PTPRG: variants seen among roughly 807,000 people sequenced by gnomAD.
The protein encoded by PTPRG is receptor-type tyrosine-protein phosphatase gamma.
PTPRG carries 102 observed loss-of-function variants against 165.3 expected under a neutral mutation model. The ratio of observed to expected loss-of-function variants is 0.62; its 90% CI spans 0.53 to 0.73. The LOEUF (loss-of-function observed/expected upper bound fraction) is 0.73, where lower values mean the gene tolerates loss of function less well. Ranked by LOEUF, PTPRG falls within the 30% of genes least tolerant of loss-of-function variation. PTPRG has a pLI of 0.00. For synonymous variants in PTPRG, 675 were observed against 669.5 expected, an observed-to-expected ratio of 1.01 and a Z score of -0.13; for missense variants, 1,866 against 1,861.4, an observed-to-expected ratio of 1.00 and a Z score of -0.05.
chr3:61,783,633 G>A (rs748153122), intron 2 of PTPRG, among the ~76,000 whole-genome samples: 1 of 152,120 alleles, frequency 6.6e-6, no homozygotes, highest in Non-Finnish European at 1.5e-5. Flanking sequence ...TGAGATTGAC[G>A]TTGAGTTGGG....
intron 2 of PTPRG, among the ~76,000 whole-genome samples, chr3:61,868,880 A>G (rs2037482657): frequency 6.7e-6 from 1 of 149,526 alleles, no homozygotes; most frequent in African/African-American, 2.4e-5. Context: ...ACAAGGTCTG[A>G]TTTGATGACT....
At chr3:61,864,809 T>C (rs1053406882) in intron 2 of PTPRG, among the ~76,000 whole-genome samples, 3 of 152,284 alleles carry the variant, frequency 2.0e-5, no homozygotes, top group African/African-American at 7.2e-5. Flanking sequence ...GACCAGGGGT[T>C]CCATCTCCTC....
At position 62,210,682 on chromosome 3, in the gene PTPRG, C is replaced by T. The variant is rs1047349361; in HGVS notation, c.2155+6732C>T. 2.6e-5 allele frequency among the ~76,000 whole-genome samples: 4 copies of T among 152,084 alleles called. No individual in the cohort carries two copies. The highest frequency in any genetic ancestry group is 5.9e-5 in the Non-Finnish European group (4 of 68,022). Reference sequence around the variant, plus strand: ...AGCAAGACCAACCCCTTTTCATTCTCCCCTCATCAACCTACTGAAAGATGA... The same window carrying T: ...AGCAAGACCAACCCCTTTTCATTCTTCCCTCATCAACCTACTGAAAGATGA... On this transcript the variant is annotated intron_variant, in intron 12 of 29. Transcript: ENST00000474889. This position sits in a 1 kb window ranked among gnomAD's most constrained non-coding sequence, Gnocchi z 4.1.
chr3:62,251,663 T>C (rs552477395), intron 15 of PTPRG, among the ~76,000 whole-genome samples: 1 of 152,094 alleles, frequency 6.6e-6, no homozygotes, highest in Non-Finnish European at 1.5e-5. Context: ...AGCACAAAAT[T>C]ATCAAGTGAT....
At chr3:61,833,675 G>A (rs1290669318) in intron 2 of PTPRG, among the ~76,000 whole-genome samples, 4 of 152,118 alleles carry the variant, frequency 2.6e-5, no homozygotes, top group Middle Eastern at 3.4e-3. Context: ...CAATTCTCGT[G>A]CCTCAGCCTC....
intron 6 of PTPRG, among the ~76,000 whole-genome samples, chr3:62,153,834 G>GA: frequency 6.6e-6 from 1 of 152,184 alleles, no homozygotes. Context: ...TGGGCAGGCT[G>GA]AAAATCTGTT....
chr3:62,186,602 G>A (rs557076683), intron 8 of PTPRG, among the ~76,000 whole-genome samples: 9 of 137,524 alleles, frequency 6.5e-5, no homozygotes, highest in African/African-American at 2.2e-4. Flanking sequence ...GGTCTTACTC[G>A]GTCACCCAGG....
intron 2 of PTPRG, among the ~76,000 whole-genome samples, chr3:61,773,734 A>C (rs953256257): frequency 3.9e-5 from 6 of 152,064 alleles, no homozygotes; most frequent in Non-Finnish European, 7.4e-5. Flanking sequence ...TAGGGAAAAA[A>C]AATTGTCATG....
At chr3:62,286,288 G>A (rs1250214212) in intron 28 of PTPRG, among the ~76,000 whole-genome samples, 1 of 152,108 alleles carries the variant, frequency 6.6e-6, no homozygotes, top group Non-Finnish European at 1.5e-5. Context: ...AGGCTTTCAT[G>A]TTGTCTTCTT....
intron 1 of PTPRG, among the ~76,000 whole-genome samples, chr3:61,703,128 C>T (rs2031063945): frequency 6.6e-6 from 1 of 152,090 alleles, no homozygotes; most frequent in Non-Finnish European, 1.5e-5. Context: ...TGTATTTCTC[C>T]CCAGGTAAGG....
At chr3:62,069,404 AACTGG>A (rs1701126806) in intron 4 of PTPRG, among the ~76,000 whole-genome samples, 1 of 152,164 alleles carries the variant, frequency 6.6e-6, no homozygotes, top group Non-Finnish European at 1.5e-5. Flanking sequence ...TAAGAGTGTG[AACTGG>A]GCTGTAACAG....
chr3:62,030,473 C>G (rs1304786938), intron 4 of PTPRG, among the ~76,000 whole-genome samples: 1 of 152,094 alleles, frequency 6.6e-6, no homozygotes, highest in Non-Finnish European at 1.5e-5. Flanking sequence ...AAGTTTCATT[C>G]TATGGACTTA....
intron 1 of PTPRG, among the ~76,000 whole-genome samples, chr3:61,745,034 GTTCA>G (rs1237437841): frequency 7.2e-6 from 1 of 138,866 alleles, no homozygotes; most frequent in Non-Finnish European, 1.6e-5. Flanking sequence ...TCTTTCATGT[GTTCA>G]TTCATTCCCT....
chr3:61,869,347 CTG>C (rs1028068313), intron 2 of PTPRG, among the ~76,000 whole-genome samples: 2 of 152,196 alleles, frequency 1.3e-5, no homozygotes, highest in African/African-American at 4.8e-5. Context: ...TGCCTGCAAA[CTG>C]TGTGCAGATC....
In PTPRG at chr3:61,833,811, C is replaced by T. The variant is rs1048016614; in HGVS notation, c.190+84829C>T. On this transcript the variant is annotated intron_variant, in intron 2 of 29. Coordinates refer to ENST00000474889, the MANE Select transcript of PTPRG (RefSeq NM_002841.4). ...AACTCCTGAGCTAAGGCAGTGTGCC[C>T]GCCTCGGCCTCCCAAAGCGCTAGGA... Among the ~76,000 whole-genome samples the T allele has an allele frequency of 2.0e-5, 3 of 152,238 alleles. No homozygotes were observed. The East Asian group carries it at 5.8e-4, about 30-fold the overall frequency.
intron 15 of PTPRG, among the ~76,000 whole-genome samples, chr3:62,249,089 T>A (rs916351815): frequency 1.3e-5 from 2 of 152,218 alleles, no homozygotes; most frequent in African/African-American, 4.8e-5. Flanking sequence ...AAGAGATTTC[T>A]TTTTATGGCA....
At chr3:62,072,460 T>C (rs1285724009) in intron 4 of PTPRG, among the ~76,000 whole-genome samples, 1 of 152,108 alleles carries the variant, frequency 6.6e-6, no homozygotes, top group Non-Finnish European at 1.5e-5. Context: ...CAAGGCAGAG[T>C]TGAATGATCC....
chr3:62,035,007 C>A (rs758839246), intron 4 of PTPRG, among the ~76,000 whole-genome samples: 45 of 152,106 alleles, frequency 3.0e-4, no homozygotes, highest in Non-Finnish European at 6.0e-4. Flanking sequence ...CGTTCCAAGG[C>A]GGGACAGGAG....
intron 14 of PTPRG, among the ~76,000 whole-genome samples, chr3:62,238,042 G>C (rs1193809682): frequency 6.6e-6 from 1 of 152,134 alleles, no homozygotes; most frequent in African/African-American, 2.4e-5. Context: ...GTCATCTTTG[G>C]TCAAGCACCA....
Sources: gnomAD v4.1 joint callset for allele counts (sites outside exome capture counted in the v4.1 genomes callset) on GRCh38, gnomAD v4.1.1 for gene constraint, Gnocchi (gnomAD v3.1) non-coding constraint, MANE v1.5 for transcripts, NCBI Gene and HGNC (gene_info 2026-07-23, HGNC 2026-07-21) for gene names.